Variants in PCDHGA3 observed in about 807,000 individuals in gnomAD.
PCDHGA3 encodes protocadherin gamma subfamily A, 3.
Under a neutral mutation model 58.5 loss-of-function variants are expected in PCDHGA3, and 40 were observed. That is an observed-to-expected ratio of 0.68 (90% CI 0.53 to 0.89). PCDHGA3 has a LOEUF of 0.89. Ranked by LOEUF, PCDHGA3 falls within the 40% of genes least tolerant of loss-of-function variation. The pLI is 0.00. For missense variants in PCDHGA3, 1,223 were observed against 1,195.9 expected (o/e 1.02, Z -0.33); for synonymous variants, 530 against 525.7 (o/e 1.01, Z -0.11).
At chr5:141,499,330 C>T (rs1040336371) in intron 2 of PCDHGA3, among the ~76,000 whole-genome samples, 1 of 152,170 alleles carries the variant, frequency 6.6e-6, no homozygotes, top group African/African-American at 2.4e-5. Flanking sequence ...CCTGCTCTCT[C>T]TCAGTTTGGG....
chr5:141,477,162 C>A lies in PCDHGA3; in HGVS notation c.2425-17645C>A, dbSNP rs147392557. ...GAGGTTGTGGATGTGAATGACAACG[C>A]CCCGGAGATCACAGTCACCTCCGTG... On this transcript the variant is annotated intron_variant, in intron 1 of 3. Transcript: ENST00000253812. This position sits in a 1 kb window ranked among gnomAD's most constrained non-coding sequence, Gnocchi z 4.9. 3.5e-5 allele frequency: 57 copies of A among 1,614,162 alleles called. No homozygotes were observed. The Middle Eastern group carries it at 9.9e-4, about 28-fold the overall frequency.
rs575872277 is a variant in PCDHGA3, at chr5:141,511,848, G to A, written c.*675G>A. The A allele has an allele frequency of 6.4e-6, 1 of 156,684 alleles. No individual in the cohort carries two copies. The highest frequency in any genetic ancestry group is 2.0e-4 in the South Asian group (1 of 5,078). The allele number at this position is 156,684 out of a possible 1,614,324, so 9.7% of individuals were successfully genotyped here. A position where few individuals can be genotyped will look rare whatever the true frequency, so the allele number is the denominator to read the frequency against. ...GCCCTGGGGACCAGTCTTCTGTTTT[G>A]TTTTTCATTGTTTGACGTTTCCACT... On this transcript the variant is annotated 3_prime_UTR_variant, in exon 4 of 4. Transcript: ENST00000253812.
At chr5:141,430,991 A>T (rs2097333608) in intron 1 of PCDHGA3, 1 of 1,613,980 alleles carries the variant, frequency 6.2e-7, no homozygotes, top group African/African-American at 1.3e-5. Context: ...TTTCGCCCTG[A>T]ATCCGCGCAG....
intron 1 of PCDHGA3, among the ~76,000 whole-genome samples, chr5:141,354,577 A>G (rs1371174028): frequency 2.0e-5 from 3 of 152,204 alleles, no homozygotes; most frequent in African/African-American, 7.2e-5. Context: ...TACTGCATAA[A>G]TTGGGACTAA....
At position 141,344,085 on chromosome 5, in the gene PCDHGA3, G is replaced by T. The variant is rs1757359453; in HGVS notation, c.52G>T (p.Ala18Ser). 6.2e-7 allele frequency: 1 copy of T among 1,611,498 alleles called. No homozygotes were observed. Among genetic ancestry groups the T allele is most frequent in the South Asian group, 1.1e-5 (1 of 90,902 alleles). The change falls in exon 1 of 4, where the codon GCG becomes TCG. Residue 18 changes from alanine to serine, a missense_variant. By Grantham distance (99) the Ala-to-Ser change is moderately conservative (BLOSUM62 1). This residue lies in a region of PCDHGA3 where 791 missense variants were observed against 708.5 expected (regional missense o/e 1.12). Transcript: ENST00000253812. ...RNGRGLALLCALLGTLCETGS... is the reference protein window; with the variant it reads ...RNGRGLALLCSLLGTLCETGS... ...TGGCAGAGGACTGGCCCTGCTGTGCGCGCTCCTGGGGACGCTGTGCGAAAC... is the reference window on the plus strand; with the variant it reads ...TGGCAGAGGACTGGCCCTGCTGTGCTCGCTCCTGGGGACGCTGTGCGAAAC...
At chr5:141,478,039 G>A (rs764777183) in intron 1 of PCDHGA3, 29 of 1,613,978 alleles carry the variant, frequency 1.8e-5, no homozygotes, top group Non-Finnish European at 2.5e-5. Flanking sequence ...ATTCACCCAG[G>A]CAGACTCTCA....
At position 141,477,460 on chromosome 5, in the gene PCDHGA3, C is replaced by T; in HGVS notation, c.2425-17347C>T. 6.2e-7 allele frequency: 1 copy of T among 1,614,132 alleles called. No individual in the cohort carries two copies. Among genetic ancestry groups the T allele is most frequent in the Non-Finnish European group, 8.5e-7 (1 of 1,180,020 alleles). On this transcript the variant is annotated intron_variant, in intron 1 of 3. Transcript: ENST00000253812. The surrounding 1 kb of genome is among the most constrained non-coding windows in gnomAD (Gnocchi z 4.9). ...TTACAATAGTGCGTGTTCAAGTGTC[C>T]GACATCAATGACAACCCTCCACAAT...
chr5:141,366,661 C>T (rs976652914), intron 1 of PCDHGA3: 1 of 1,614,150 alleles, frequency 6.2e-7, no homozygotes, highest in Admixed American at 1.7e-5. Flanking sequence ...ACTACGCAGA[C>T]ACGCTCCTTA....
At chr5:141,413,248 G>C in intron 1 of PCDHGA3, 1 of 1,613,962 alleles carries the variant, frequency 6.2e-7, no homozygotes, top group Non-Finnish European at 8.5e-7. Context: ...CCTTTTCTTC[G>C]GGATTCCATG....
chr5:141,391,553 T>G (rs2150453893), intron 1 of PCDHGA3: 1 of 152,348 alleles, frequency 6.6e-6, no homozygotes, highest in South Asian at 2.1e-4. Context: ...CTACCCAGTT[T>G]TCCATATGCA....
intron 1 of PCDHGA3, chr5:141,393,788 G>A (rs2092844033): frequency 6.2e-7 from 1 of 1,613,938 alleles, no homozygotes. Context: ...AAGATGTGGG[G>A]GCACTTCTGG....
In PCDHGA3 at chr5:141,408,560, A is replaced by G. The variant is rs368143982; in HGVS notation, c.2424+62103A>G. The G allele has an allele frequency of 6.3e-5, 102 of 1,613,910 alleles. No homozygotes were observed. Among genetic ancestry groups the G allele is most frequent in the Non-Finnish European group, 8.4e-5 (99 of 1,179,898 alleles). On this transcript the variant is annotated intron_variant, in intron 1 of 3. Coordinates refer to ENST00000253812, the MANE Select transcript of PCDHGA3 (RefSeq NM_018916.4). ...AAATCCTTTAAATATTTTTCATGTC[A>G]TTGTGGTGATTGAGGATGTTAATGA... is the stretch of plus-strand genomic sequence containing the variant.
At chr5:141,379,974 A>ACTGCAACTTC (rs1471397851) in intron 1 of PCDHGA3, among the ~76,000 whole-genome samples, 23 of 128,142 alleles carry the variant, frequency 1.8e-4, no homozygotes, top group African/African-American at 6.6e-4. Context: ...ATCTCTGCTC[A>ACTGCAACTTC]CTGCAACTTC....
chr5:141,362,463 C>T (rs745712262), intron 1 of PCDHGA3: 13 of 1,613,916 alleles, frequency 8.1e-6, no homozygotes, highest in African/African-American at 1.3e-5. Flanking sequence ...AATTGGTTCC[C>T]GCGCAAGATC....
At chr5:141,359,367 A>T (rs1214745002) in intron 1 of PCDHGA3, among the ~76,000 whole-genome samples, 1 of 152,144 alleles carries the variant, frequency 6.6e-6, no homozygotes, top group African/African-American at 2.4e-5. Flanking sequence ...GGCCTAGGAA[A>T]GCAGTAGATA....
intron 1 of PCDHGA3, chr5:141,390,051 A>C: frequency 6.2e-7 from 1 of 1,613,978 alleles, no homozygotes; most frequent in Non-Finnish European, 8.5e-7. Context: ...CGCCTCCTGG[A>C]GCTGCTTCCA....
intron 2 of PCDHGA3, 142 bp downstream of exon 2, chr5:141,495,007 G>C (rs2099758216): frequency 2.0e-6 from 3 of 1,522,276 alleles, no homozygotes; most frequent in Non-Finnish European, 8.8e-7. Flanking sequence ...TTGGTGTGCG[G>C]GGGGCTGGCA....
At chr5:141,369,815 G>A (rs1204825120) in intron 1 of PCDHGA3, among the ~76,000 whole-genome samples, 2 of 152,150 alleles carry the variant, frequency 1.3e-5, no homozygotes, top group South Asian at 2.1e-4. Flanking sequence ...ACCAAAAATA[G>A]CTTCCATTTG....
intron 1 of PCDHGA3, chr5:141,409,515 T>C (rs1273041163): frequency 5.0e-6 from 8 of 1,613,844 alleles, no homozygotes; most frequent in Non-Finnish European, 6.8e-6. Context: ...AGTAGAAGCA[T>C]CACCTTGTAT....
Sources: allele counts gnomAD v4.1 joint callset (sites outside exome capture counted in the v4.1 genomes callset), GRCh38; gene constraint gnomAD v4.1.1; regional missense constraint gnomAD v4.1.1; non-coding constraint Gnocchi (gnomAD v3.1); transcripts MANE v1.5; gene names NCBI Gene and HGNC (gene_info 2026-07-23, HGNC 2026-07-21).